The following EXOC4 variants were observed in gnomAD, a reference collection of about 807,000 sequenced individuals.
The protein encoded by EXOC4 is SEC8-like 1.
A neutral mutation model predicts 107.2 loss-of-function variants in EXOC4; 71 were observed. The ratio of observed to expected loss-of-function variants is 0.66; its 90% CI spans 0.55 to 0.81. The LOEUF is 0.81. EXOC4 is among the 30% of genes least tolerant of loss of function. EXOC4 has a pLI of 0.00. For synonymous variants in EXOC4, 456 were observed against 441.2 expected (o/e 1.03, Z -0.42); for missense variants, 1,108 against 1,189.6 (o/e 0.93, Z 1.01).
chr7:133,813,877 T>C (rs923387969), intron 10 of EXOC4, among the ~76,000 whole-genome samples: 2 of 152,148 alleles, frequency 1.3e-5, no homozygotes, highest in African/African-American at 4.8e-5. Context: ...CAGGGGTTAA[T>C]AGAGCGTTTA....
chr7:133,257,864 G>A (rs934352747), intron 1 of EXOC4, among the ~76,000 whole-genome samples: 2 of 152,202 alleles, frequency 1.3e-5, no homozygotes, highest in Admixed American at 6.5e-5. Context: ...ATTTTGGTCA[G>A]CCCTGTGTTT....
intron 9 of EXOC4, among the ~76,000 whole-genome samples, chr7:133,617,934 C>G (rs1227943914): frequency 6.6e-6 from 1 of 151,942 alleles, no homozygotes; most frequent in Non-Finnish European, 1.5e-5. Context: ...CAAACCGGGC[C>G]TTAAAGAATT....
chr7:133,378,322 A>G (rs56147172), intron 7 of EXOC4, among the ~76,000 whole-genome samples: 2,832 of 151,476 alleles, frequency 0.019, 99 homozygotes, highest in African/African-American at 0.065. Context: ...AAAAAAAAAA[A>G]AAAGAGTTTT....
chr7:133,532,949 A>G (rs1329858548), intron 9 of EXOC4, among the ~76,000 whole-genome samples: 1 of 152,012 alleles, frequency 6.6e-6, no homozygotes, highest in East Asian at 1.9e-4. Flanking sequence ...TTGAGATTTC[A>G]GGGTGAAAAT....
chr7:133,618,108 T>C (rs1349624891), intron 9 of EXOC4, among the ~76,000 whole-genome samples: 3 of 152,108 alleles, frequency 2.0e-5, no homozygotes, highest in African/African-American at 7.2e-5. Flanking sequence ...GATACAGGCT[T>C]ATTTTTTAAT....
intron 3 of EXOC4, among the ~76,000 whole-genome samples, chr7:133,299,545 A>G (rs1794596907): frequency 6.6e-6 from 1 of 152,250 alleles, no homozygotes; most frequent in South Asian, 2.1e-4. Flanking sequence ...GCTTAATAAA[A>G]TGGTATGCTT....
At chr7:133,680,381 T>G (rs1794160371) in intron 10 of EXOC4, among the ~76,000 whole-genome samples, 1 of 152,238 alleles carries the variant, frequency 6.6e-6, no homozygotes, top group Non-Finnish European at 1.5e-5. Flanking sequence ...TAACACATTC[T>G]ACTGAAATAG....
chr7:133,688,073 A>G (rs1017050157), intron 10 of EXOC4, among the ~76,000 whole-genome samples: 1 of 152,188 alleles, frequency 6.6e-6, no homozygotes, highest in Admixed American at 6.5e-5. Flanking sequence ...ATCACTTTCC[A>G]TGCCATTGAA....
At chr7:133,831,784 C>T (rs1263314112) in intron 11 of EXOC4, among the ~76,000 whole-genome samples, 1 of 152,120 alleles carries the variant, frequency 6.6e-6, no homozygotes, top group Non-Finnish European at 1.5e-5. Context: ...TGAAAGGAAA[C>T]ATATATGTGT....
intron 7 of EXOC4, among the ~76,000 whole-genome samples, chr7:133,447,566 A>G (rs748825038): frequency 6.6e-6 from 1 of 152,052 alleles, no homozygotes; most frequent in Non-Finnish European, 1.5e-5. Flanking sequence ...AAAATTTTCA[A>G]CATATTGGGA....
At chr7:133,800,343 G>A (rs536349195) in intron 10 of EXOC4, among the ~76,000 whole-genome samples, 2 of 151,976 alleles carry the variant, frequency 1.3e-5, no homozygotes, top group Non-Finnish European at 2.9e-5. Flanking sequence ...TAACTATTCT[G>A]ATTCCTTCTG....
At chr7:133,832,838 G>C (rs1271324805) in intron 11 of EXOC4, among the ~76,000 whole-genome samples, 1 of 152,132 alleles carries the variant, frequency 6.6e-6, no homozygotes, top group Non-Finnish European at 1.5e-5. Context: ...GTAGGGGTCA[G>C]TGGGCTTGTG....
chr7:133,716,192 A>G (rs1277787948), intron 10 of EXOC4, among the ~76,000 whole-genome samples: 1 of 152,188 alleles, frequency 6.6e-6, no homozygotes, highest in Non-Finnish European at 1.5e-5. Context: ...CCATTCATCA[A>G]ATGTTTATTG....
chr7:134,026,372 G>A (rs1158058688), intron 17 of EXOC4, among the ~76,000 whole-genome samples: 1 of 151,614 alleles, frequency 6.6e-6, no homozygotes, highest in African/African-American at 2.4e-5. Flanking sequence ...CTATTTCTGA[G>A]CCAATTCCTG....
chr7:133,489,277 T>A (rs1255106413), intron 9 of EXOC4, among the ~76,000 whole-genome samples: 1 of 152,218 alleles, frequency 6.6e-6, no homozygotes, highest in East Asian at 1.9e-4. Context: ...GAAATACTGT[T>A]GTTTTATTCT....
chr7:133,728,654 A>G (rs905937088), intron 10 of EXOC4, among the ~76,000 whole-genome samples: 3 of 152,178 alleles, frequency 2.0e-5, no homozygotes, highest in Admixed American at 1.3e-4. Flanking sequence ...TGTAAAATTC[A>G]TCTATTCTGT....
At chr7:133,885,471 T>G (rs1799064644) in intron 11 of EXOC4, among the ~76,000 whole-genome samples, 1 of 152,204 alleles carries the variant, frequency 6.6e-6, no homozygotes, top group Non-Finnish European at 1.5e-5. Flanking sequence ...AAATATTTAT[T>G]GAGCACCTGC....
intron 11 of EXOC4, among the ~76,000 whole-genome samples, chr7:133,860,549 T>C (rs1397331196): frequency 2.6e-5 from 4 of 152,236 alleles, no homozygotes; most frequent in Admixed American, 6.5e-5. Flanking sequence ...TTACAGCTGC[T>C]TTGTGACTTT....
intron 9 of EXOC4, among the ~76,000 whole-genome samples, chr7:133,591,364 C>T (rs947129562): frequency 3.9e-5 from 6 of 152,114 alleles, no homozygotes; most frequent in Non-Finnish European, 5.9e-5. Context: ...GTTCTTGCCT[C>T]AATTTTAACA....
Sources: gnomAD v4.1 joint callset for allele counts (sites outside exome capture counted in the v4.1 genomes callset) on GRCh38, gnomAD v4.1.1 for gene constraint, MANE v1.5 for transcripts, NCBI Gene and HGNC (gene_info 2026-07-23, HGNC 2026-07-21) for gene names.